GABRB3: variants seen among roughly 807,000 people sequenced by gnomAD.
The protein encoded by GABRB3 is gamma-aminobutyric acid receptor subunit beta-3.
In GABRB3, 14 loss-of-function variants were observed where a neutral mutation model predicts 52.1. That is an observed-to-expected ratio of 0.27 (90% confidence interval 0.18 to 0.42). GABRB3 has a LOEUF of 0.42. Among genes scored for constraint, GABRB3 ranks in the 10% least tolerant of loss-of-function variants. The probability of loss-of-function intolerance (pLI) is 1.00; values close to 1 mark genes in which losing one functional copy is unlikely to be tolerated. For synonymous variants in GABRB3, 260 were observed against 232.3 expected, an observed-to-expected ratio of 1.12 and a Z score of -1.08; for missense variants, 307 against 609.1, an observed-to-expected ratio of 0.50 and a Z score of 5.22.
chr15:26,752,837 G>A (rs1191497246), intron 3 of GABRB3, among the ~76,000 whole-genome samples: 4 of 152,026 alleles, frequency 2.6e-5, no homozygotes, highest in Non-Finnish European at 5.9e-5. Flanking sequence ...TCCGAGGGAC[G>A]CTACACGCCA....
intron 3 of GABRB3, among the ~76,000 whole-genome samples, chr15:26,725,422 C>T (rs1303811913): frequency 6.6e-6 from 1 of 152,168 alleles, no homozygotes; most frequent in African/African-American, 2.4e-5. Context: ...TATTGATCCA[C>T]CCACTGACTG....
intron 3 of GABRB3, among the ~76,000 whole-genome samples, chr15:26,726,889 G>A (rs750386846): frequency 1.3e-5 from 2 of 152,148 alleles, no homozygotes; most frequent in Non-Finnish European, 1.5e-5. Flanking sequence ...ACCCAGGAGC[G>A]GTGGCTCACA....
chr15:26,616,266 T>G (rs578075043), intron 4 of GABRB3, among the ~76,000 whole-genome samples: 1 of 152,292 alleles, frequency 6.6e-6, no homozygotes, highest in South Asian at 2.1e-4. Context: ...AATATACAAA[T>G]GGTACTGAAG....
At chr15:26,623,287 G>T (rs1892558239) in intron 3 of GABRB3, among the ~76,000 whole-genome samples, 1 of 152,198 alleles carries the variant, frequency 6.6e-6, no homozygotes, top group East Asian at 1.9e-4. Context: ...CCACAAGGTG[G>T]AAACTAGAAT....
chr15:26,707,143 A>G (rs1360891075), intron 3 of GABRB3, among the ~76,000 whole-genome samples: 1 of 152,220 alleles, frequency 6.6e-6, no homozygotes, highest in Non-Finnish European at 1.5e-5. Context: ...TAAGAGAGAA[A>G]GTATCTTTGG....
At chr15:26,757,814 G>C (rs1281200098) in intron 3 of GABRB3, among the ~76,000 whole-genome samples, 1 of 152,122 alleles carries the variant, frequency 6.6e-6, no homozygotes, top group Non-Finnish European at 1.5e-5. Context: ...GATAAGCCTA[G>C]AATTTTAAAA....
chr15:26,740,460 G>T (rs1361376380), intron 3 of GABRB3, among the ~76,000 whole-genome samples: 1 of 152,028 alleles, frequency 6.6e-6, no homozygotes, highest in Admixed American at 6.6e-5. Context: ...CCTGGGGACT[G>T]GGCTGTGTTC....
At chr15:26,649,923 G>GAT (rs1333134812) in intron 3 of GABRB3, among the ~76,000 whole-genome samples, 4 of 152,082 alleles carry the variant, frequency 2.6e-5, no homozygotes, top group Non-Finnish European at 4.4e-5. Flanking sequence ...TTATTAGTGA[G>GAT]ATAAAACAGT....
chr15:26,752,268 T>G lies in GABRB3; in HGVS notation c.240+20134A>C, dbSNP rs983096599. Among the ~76,000 whole-genome samples, 38 of 150,144 alleles carry G rather than the reference T, an allele frequency of 2.5e-4. 1 individual carries two copies. Among genetic ancestry groups the G allele is most frequent in the African/African-American group, 9.4e-4 (38 of 40,550 alleles). ...TTATTTATTTATTTATTTATTTATTTATTTATTTATTTTGAGAGGGAGTCT... is the reference window on the plus strand; with the variant it reads ...TTATTTATTTATTTATTTATTTATTGATTTATTTATTTTGAGAGGGAGTCT... On this transcript the variant is annotated intron_variant, in intron 3 of 8. Transcript: ENST00000311550.
At chr15:26,716,319 A>T (rs1889465379) in intron 3 of GABRB3, among the ~76,000 whole-genome samples, 2 of 152,094 alleles carry the variant, frequency 1.3e-5, no homozygotes, top group South Asian at 2.1e-4. Flanking sequence ...AGGATAATGA[A>T]CCTGATGTAG....
intron 4 of GABRB3, among the ~76,000 whole-genome samples, chr15:26,618,462 T>C (rs1892349726): frequency 6.6e-6 from 1 of 152,030 alleles, no homozygotes; most frequent in South Asian, 2.1e-4. Context: ...TGGCTAGCCA[T>C]ATGTAGAAAG....
At chr15:26,649,404 A>T (rs1388946933) in intron 3 of GABRB3, among the ~76,000 whole-genome samples, 1 of 152,182 alleles carries the variant, frequency 6.6e-6, no homozygotes, top group East Asian at 1.9e-4. Context: ...TCCTCACCAG[A>T]CACTAAACCT....
chr15:26,615,625 G>C, intron 4 of GABRB3: 2 of 602,194 alleles, frequency 3.3e-6, no homozygotes, highest in African/African-American at 1.9e-5. Flanking sequence ...ATAAGGCTGA[G>C]TTGACGTACA....
Position 26,738,379 on chromosome 15 carries a change from G to A in GABRB3, c.240+34023C>T, listed in dbSNP as rs536005375. Among the ~76,000 whole-genome samples the A allele has an allele frequency of 7.9e-5, 12 of 152,244 alleles. No individual in the cohort carries two copies. In the South Asian group the frequency reaches 1.2e-3, roughly 16 times the overall value. ...ATTACAGGCATGAGCCACAGCACCC[G>A]TCCAGTCTTGGGCTTACTGACAAAA... On this transcript the variant is annotated intron_variant, in intron 3 of 8. Transcript: ENST00000311550.
Position 26,580,591 on chromosome 15 carries a change from G to A in GABRB3, c.545-135C>T. On this transcript the variant is annotated intron_variant, in intron 5 of 8. Coordinates refer to ENST00000311550, the MANE Select transcript of GABRB3 (RefSeq NM_000814.6). ...ATTTGCTTAATGTGCTTGTCTAGGG[G>A]AAGTGTCATCAAAGAACTAACTTTC... The A allele has an allele frequency of 1.7e-5, 19 of 1,110,372 alleles. No individual in the cohort carries two copies. In the South Asian group the frequency reaches 2.3e-4, roughly 13 times the overall value. The allele number at this position is 1,110,372 out of a possible 1,614,324, so 68.8% of individuals were successfully genotyped here. A position where few individuals can be genotyped will look rare whatever the true frequency, so the allele number is the denominator to read the frequency against.
chr15:26,663,983 A>T (rs1887626713), intron 3 of GABRB3, among the ~76,000 whole-genome samples: 1 of 152,260 alleles, frequency 6.6e-6, no homozygotes, highest in Non-Finnish European at 1.5e-5. Context: ...AAATTTAAAA[A>T]CTTGTCCTCT....
chr15:26,708,815 A>G (rs1889191786), intron 3 of GABRB3, among the ~76,000 whole-genome samples: 1 of 152,158 alleles, frequency 6.6e-6, no homozygotes, highest in African/African-American at 2.4e-5. Flanking sequence ...AAGGTATATA[A>G]AACCAGCTTT....
At chr15:26,725,037 T>A (rs956650175) in intron 3 of GABRB3, among the ~76,000 whole-genome samples, 1 of 152,184 alleles carries the variant, frequency 6.6e-6, no homozygotes, top group African/African-American at 2.4e-5. Context: ...TCAAAGGCAA[T>A]TGGTATAGTG....
At chr15:26,753,883 A>G (rs1890585283) in intron 3 of GABRB3, among the ~76,000 whole-genome samples, 1 of 152,162 alleles carries the variant, frequency 6.6e-6, no homozygotes, top group African/African-American at 2.4e-5. Context: ...CTTCTGATGG[A>G]AACAGAACTT....
Sources: gnomAD v4.1 joint callset for allele counts (sites outside exome capture counted in the v4.1 genomes callset) on GRCh38, gnomAD v4.1.1 for gene constraint, MANE v1.5 for transcripts, NCBI Gene and HGNC (gene_info 2026-07-23, HGNC 2026-07-21) for gene names.